Variants in NRCAM observed in about 807,000 individuals in gnomAD.
The protein encoded by NRCAM is NgCAM-related cell adhesion molecule.
A neutral mutation model predicts 156.5 loss-of-function variants in NRCAM; 83 were observed. The ratio of observed to expected loss-of-function variants is 0.53; its 90% CI spans 0.44 to 0.64. NRCAM has a LOEUF of 0.64. Among genes scored for constraint, NRCAM ranks in the 30% least tolerant of loss-of-function variants. NRCAM has a pLI of 0.00. For missense variants in NRCAM, 1,417 were observed against 1,597.3 expected, an observed-to-expected ratio of 0.89 and a Z score of 1.92; for synonymous variants, 538 against 563.9, an observed-to-expected ratio of 0.95 and a Z score of 0.65.
chr7:108,203,272 T>C (rs1258387475), intron 13 of NRCAM, among the ~76,000 whole-genome samples: 2 of 152,226 alleles, frequency 1.3e-5, no homozygotes, highest in African/African-American at 4.8e-5. Flanking sequence ...TTCTGTAGAT[T>C]GTTTTAAAAC....
intron 2 of NRCAM, among the ~76,000 whole-genome samples, chr7:108,355,909 A>C (rs575146403): frequency 2.2e-4 from 33 of 152,148 alleles, no homozygotes; most frequent in African/African-American, 7.7e-4. Context: ...ACATCATCAC[A>C]AGAAGGGTGA....
intron 1 of NRCAM, among the ~76,000 whole-genome samples, chr7:108,442,204 G>A (rs905736451): frequency 2.0e-5 from 3 of 152,156 alleles, no homozygotes; most frequent in African/African-American, 7.2e-5. Flanking sequence ...AGGATGTGAT[G>A]TGCAGCTGTC....
chr7:108,444,866 T>C (rs959570840), intron 1 of NRCAM, among the ~76,000 whole-genome samples: 4 of 152,214 alleles, frequency 2.6e-5, no homozygotes, highest in African/African-American at 7.2e-5. Context: ...TTCCCATTTC[T>C]AAAATTCTGT....
chr7:108,401,999 T>TAC (rs774535227), intron 1 of NRCAM, among the ~76,000 whole-genome samples: 37 of 152,214 alleles, frequency 2.4e-4, no homozygotes, highest in African/African-American at 8.2e-4. Flanking sequence ...CTTTTATTCT[T>TAC]ACACACACAC....
chr7:108,277,502 T>A (rs867047547), intron 3 of NRCAM, among the ~76,000 whole-genome samples: 5 of 152,018 alleles, frequency 3.3e-5, no homozygotes, highest in African/African-American at 1.2e-4. Context: ...CAATCACTGA[T>A]ATCCTTTCTT....
At chr7:108,199,504 C>A (rs422011) in intron 13 of NRCAM, among the ~76,000 whole-genome samples, 21 of 152,058 alleles carry the variant, frequency 1.4e-4, no homozygotes, top group Non-Finnish European at 2.6e-4. Flanking sequence ...AGAGCTGCGT[C>A]GCTTTCTGAA....
Position 108,225,659 on chromosome 7 carries a change from G to A in NRCAM, c.764C>T (p.Thr255Ile). Reference sequence around the variant, plus strand: ...CCATAACTCACCACCATAAAACTCAGTGTCACTCAAATTAGCAGCTATAGT... The same window carrying A: ...CCATAACTCACCACCATAAAACTCAATGTCACTCAAATTAGCAGCTATAGT... ...NDTIAANLSD[T>I]EFYGAKSSRE... is the part of the protein sequence containing the mutation. The change falls in exon 10 of 33, where the codon ACT (threonine) becomes ATT (isoleucine). Residue 255 changes from threonine to isoleucine, a missense_variant. Thr to Ile is a moderately conservative substitution (Grantham distance 89). Coordinates refer to ENST00000379028, the MANE Select transcript of NRCAM (RefSeq NM_001037132.4). 6.3e-7 allele frequency: 1 copy of A among 1,594,606 alleles called. No homozygotes were observed. Among genetic ancestry groups the A allele is most frequent in the Non-Finnish European group, 8.6e-7 (1 of 1,162,398 alleles).
intron 3 of NRCAM, among the ~76,000 whole-genome samples, chr7:108,252,360 G>A (rs1222390380): frequency 2.0e-5 from 3 of 152,138 alleles, no homozygotes; most frequent in Non-Finnish European, 4.4e-5. Flanking sequence ...TCCAAATTTA[G>A]GTTTCTGTCT....
intron 3 of NRCAM, among the ~76,000 whole-genome samples, chr7:108,255,198 G>T (rs886205711): frequency 1.2e-5 from 1 of 80,014 alleles, no homozygotes; most frequent in South Asian, 4.1e-4. Flanking sequence ...CACTTTCCAC[G>T]GTCTCCCTCT....
intron 2 of NRCAM, among the ~76,000 whole-genome samples, chr7:108,383,994 G>C (rs905536332): frequency 3.9e-5 from 6 of 152,108 alleles, no homozygotes; most frequent in African/African-American, 1.4e-4. Flanking sequence ...CTGTTCCTAA[G>C]TTAGTTCACC....
chr7:108,159,841 G>T (rs1471716206), intron 31 of NRCAM, among the ~76,000 whole-genome samples: 2 of 151,490 alleles, frequency 1.3e-5, no homozygotes, highest in Middle Eastern at 3.2e-3. Context: ...CTATATTAAT[G>T]GTTGAAAATT....
intron 3 of NRCAM, among the ~76,000 whole-genome samples, chr7:108,265,305 C>T (rs2097059441): frequency 6.6e-6 from 1 of 152,162 alleles, no homozygotes; most frequent in Admixed American, 6.5e-5. Flanking sequence ...TGGGGGAGGG[C>T]TACACTGGTG....
At chr7:108,455,455 G>T (rs1339859325) in intron 1 of NRCAM, among the ~76,000 whole-genome samples, 1 of 152,144 alleles carries the variant, frequency 6.6e-6, no homozygotes, top group Non-Finnish European at 1.5e-5. Flanking sequence ...ATCTTTCCAG[G>T]CAGCCCCCAG....
chr7:108,318,548 A>C (rs2098960235), intron 2 of NRCAM, among the ~76,000 whole-genome samples: 1 of 152,214 alleles, frequency 6.6e-6, no homozygotes, highest in South Asian at 2.1e-4. Context: ...CTGTTGACAA[A>C]CACAGAAGAG....
chr7:108,177,624 AATATATATATATAT>A (rs59391934), intron 26 of NRCAM, among the ~76,000 whole-genome samples: 9,388 of 79,516 alleles, frequency 0.12, 667 homozygotes, highest in African/African-American at 0.22. Context: ...CTCCATCTCA[AATATATATATATAT>A]ATATATATAT....
chr7:108,216,585 A>G (rs994460743), intron 11 of NRCAM, among the ~76,000 whole-genome samples: 11 of 152,152 alleles, frequency 7.2e-5, no homozygotes, highest in African/African-American at 2.2e-4. Flanking sequence ...ACATAGTCCC[A>G]TATTTCTTGG....
intron 3 of NRCAM, among the ~76,000 whole-genome samples, chr7:108,246,649 C>T (rs2095947969): frequency 6.6e-6 from 1 of 152,184 alleles, no homozygotes; most frequent in South Asian, 2.1e-4. Flanking sequence ...CAAGCACCTA[C>T]TACTCTTGCA....
intron 1 of NRCAM, among the ~76,000 whole-genome samples, chr7:108,400,970 G>C (rs1044528635): frequency 2.0e-5 from 3 of 152,106 alleles, no homozygotes; most frequent in Non-Finnish European, 4.4e-5. Context: ...GCTTTTTAAG[G>C]AACTACAGGC....
At chr7:108,215,455 T>A (rs559452816) in intron 11 of NRCAM, among the ~76,000 whole-genome samples, 12 of 151,986 alleles carry the variant, frequency 7.9e-5, no homozygotes, top group Non-Finnish European at 1.8e-4. Flanking sequence ...GACCTCATGA[T>A]CCACCCGCCT....
Sources: allele counts gnomAD v4.1 joint callset (sites outside exome capture counted in the v4.1 genomes callset), GRCh38; gene constraint gnomAD v4.1.1; transcripts MANE v1.5; gene names NCBI Gene and HGNC (gene_info 2026-07-23, HGNC 2026-07-21).